The following SCML4 variants were observed in gnomAD, a reference collection of about 807,000 sequenced individuals.
The protein encoded by SCML4 is Scm polycomb group protein like 4, also known as sex comb on midleg-like protein 4.
In SCML4, 34 loss-of-function variants were observed where a neutral mutation model predicts 41.1. That is an observed-to-expected ratio of 0.83 (90% CI 0.63 to 1.10). The LOEUF is 1.10. Ranked by LOEUF, SCML4 falls within the 50% of genes least tolerant of loss-of-function variation. The pLI is 0.00. For synonymous variants in SCML4, 214 were observed against 220.9 expected (o/e 0.97, Z 0.28); for missense variants, 522 against 534.1 (o/e 0.98, Z 0.22).
rs542361487 is a variant in SCML4, at chr6:107,728,939, G to A, written c.683-7946C>T. Among the ~76,000 whole-genome samples, 21 of 152,264 alleles carry A rather than the reference G, an allele frequency of 1.4e-4. No individual in the cohort carries two copies. The South Asian group carries it at 1.9e-3, about 14-fold the overall frequency. On this transcript the variant is annotated intron_variant, in intron 5 of 7. Coordinates refer to ENST00000369020, the MANE Select transcript of SCML4 (RefSeq NM_198081.5). ...TGATGAAATGGATCTGTTCAAACCC[G>A]ATTGAAACTGCATTTTCCGCACTTT...
intron 5 of SCML4, among the ~76,000 whole-genome samples, chr6:107,737,192 C>G (rs189534749): frequency 7.8e-4 from 119 of 152,292 alleles, no homozygotes; most frequent in African/African-American, 2.7e-3. Context: ...ATGCAGAGTC[C>G]TGCAATATAA....
chr6:107,709,012 C>T (rs1027860657), intron 6 of SCML4, among the ~76,000 whole-genome samples: 4 of 152,154 alleles, frequency 2.6e-5, no homozygotes, highest in African/African-American at 9.7e-5. Flanking sequence ...GGGAGAATGC[C>T]TCTGATGCTG....
chr6:107,827,028 A>G (rs913833233), upstream of SCML4, among the ~76,000 whole-genome samples: 51 of 151,836 alleles, frequency 3.4e-4, no homozygotes, highest in Non-Finnish European at 6.8e-4. Context: ...ACGCCACTGC[A>G]CTACAGCCTG....
rs1282180419 is a variant in SCML4 at position 107,724,820 on chromosome 6, G to A, written c.683-3827C>T. On this transcript the variant is annotated intron_variant, in intron 5 of 7. Coordinates refer to ENST00000369020, the MANE Select transcript of SCML4 (RefSeq NM_198081.5). ...TTGCAAGGGACACAGAATAGCCAAAGCCATCATGAAAACCAAAAACAAAGT... is the reference window on the plus strand; with the variant it reads ...TTGCAAGGGACACAGAATAGCCAAAACCATCATGAAAACCAAAAACAAAGT... Among the ~76,000 whole-genome samples, 4 of 152,268 alleles carry A rather than the reference G, an allele frequency of 2.6e-5. No homozygotes were observed. The East Asian group carries it at 7.7e-4, about 29-fold the overall frequency.
the SCML4 span, among the ~76,000 whole-genome samples, chr6:107,845,440 C>T: frequency 6.6e-6 from 1 of 152,200 alleles, no homozygotes; most frequent in East Asian, 1.9e-4. Flanking sequence ...TTGTTTTCAC[C>T]TTGGCCTTAG....
At chr6:107,806,186 T>TCCC (rs35905486) in intron 1 of SCML4, among the ~76,000 whole-genome samples, 665 of 28,800 alleles carry the variant, frequency 0.023, 9 homozygotes, top group African/African-American at 0.029. Context: ...AACAGAGATT[T>TCCC]CCCCCCCCCC....
chr6:107,824,542 C>CCTAA (rs57597709), upstream of SCML4, among the ~76,000 whole-genome samples: 42,062 of 146,392 alleles, frequency 0.29, 8,945 homozygotes, highest in African/African-American at 0.6. Context: ...CTCTTAGCAG[C>CCTAA]CTAAGAGAAA....
chr6:107,729,928 T>C (rs1776373092), intron 5 of SCML4, among the ~76,000 whole-genome samples: 1 of 152,230 alleles, frequency 6.6e-6, no homozygotes, highest in Non-Finnish European at 1.5e-5. Flanking sequence ...AGTGAGGCCA[T>C]TGTGCTATGA....
intron 1 of SCML4, among the ~76,000 whole-genome samples, chr6:107,776,211 T>A (rs9486687): frequency 1.3e-5 from 2 of 152,098 alleles, no homozygotes; most frequent in Admixed American, 1.3e-4. Context: ...TAAAAAAGAT[T>A]GAAAATAAAG....
intron 6 of SCML4, among the ~76,000 whole-genome samples, chr6:107,708,316 T>C (rs1048635367): frequency 1.3e-5 from 2 of 152,026 alleles, no homozygotes; most frequent in African/African-American, 2.4e-5. Flanking sequence ...CCCACCCTCG[T>C]TGGAGTTTTC....
rs1233065638 is a variant in SCML4 at position 107,748,407 on chromosome 6, G to A, written c.286+1277C>T. The stretch of plus-strand genomic sequence containing the variant: ...AAGAAATAGGTTTTTTTGTTTTTTT[G>A]TTTTTTTGAGCACCTGCTATAGTCT... On this transcript the variant is annotated intron_variant, in intron 3 of 7. Transcript: ENST00000369020. 2.0e-5 allele frequency among the ~76,000 whole-genome samples: 3 copies of A among 151,732 alleles called. No individual in the cohort carries two copies. In the East Asian group the frequency reaches 5.8e-4, roughly 29 times the overall value.
chr6:107,720,031 C>T, intron 6 of SCML4: 1 of 985,456 alleles, frequency 1.0e-6, no homozygotes, highest in Non-Finnish European at 1.2e-6. Context: ...ACAGAAGTGG[C>T]ATTACAACCA....
rs186180507 is a variant in SCML4, at chr6:107,710,751, A to G, written c.974-2740T>C. 2.9e-4 allele frequency among the ~76,000 whole-genome samples: 18 copies of G among 63,096 alleles called. 8 individuals carry two copies. Among genetic ancestry groups the G allele is most frequent in the Middle Eastern group, 0.016 (2 of 128 alleles). 41.4% of individuals were successfully genotyped at this position (63,096 alleles called of 152,430 possible). On this transcript the variant is annotated intron_variant, in intron 6 of 7. Transcript: ENST00000369020. ...AGATCATGCCTCCCACTCACTCTATAAAACACCTCGTTGAGCTGTTGCAAG... is the reference window on the plus strand; with the variant it reads ...AGATCATGCCTCCCACTCACTCTATGAAACACCTCGTTGAGCTGTTGCAAG...
intron 1 of SCML4, among the ~76,000 whole-genome samples, chr6:107,822,495 CTTTT>C (rs1243814125): frequency 1.3e-5 from 1 of 77,806 alleles, no homozygotes; most frequent in Non-Finnish European, 2.2e-5. Context: ...TTACTCTTTT[CTTTT>C]TTTCTTTTCT....
chr6:107,761,495 G>A lies in SCML4; in HGVS notation c.156+10677C>T, dbSNP rs574182871. On this transcript the variant is annotated intron_variant, in intron 2 of 7. Transcript: ENST00000369020. ...TCTGTCACCCGTGCTGGAGTGCAAT[G>A]GCGCAATCTCGGCTTACTGCAACCA... 5.3e-5 allele frequency among the ~76,000 whole-genome samples: 8 copies of A among 151,216 alleles called. No individual in the cohort carries two copies. In the South Asian group the frequency reaches 1.7e-3, roughly 32 times the overall value.
intron 1 of SCML4, 113 bp from the exon 2 acceptor site, chr6:107,772,499 G>A (rs561000692): frequency 1.7e-6 from 1 of 575,702 alleles, no homozygotes; most frequent in Admixed American, 3.4e-5. Context: ...TTATTGGAGG[G>A]GAAGACCAAA....
At chr6:107,713,790 G>A (rs112875443) in intron 6 of SCML4, among the ~76,000 whole-genome samples, 1 of 152,116 alleles carries the variant, frequency 6.6e-6, no homozygotes, top group East Asian at 1.9e-4. Flanking sequence ...GGGAAGGGGA[G>A]GGAGATCTGT....
At chr6:107,734,211 T>G (rs924063194) in intron 5 of SCML4, among the ~76,000 whole-genome samples, 3 of 152,186 alleles carry the variant, frequency 2.0e-5, no homozygotes, top group Non-Finnish European at 4.4e-5. Flanking sequence ...CCAGCATCAT[T>G]CTACTCCTCA....
chr6:107,789,685 ATC>A (rs1344089954), intron 1 of SCML4, among the ~76,000 whole-genome samples: 1 of 152,196 alleles, frequency 6.6e-6, no homozygotes, highest in Non-Finnish European at 1.5e-5. Flanking sequence ...CACCAGATTC[ATC>A]TCTGAGTCGT....
Sources: allele counts gnomAD v4.1 joint callset (sites outside exome capture counted in the v4.1 genomes callset), GRCh38; gene constraint gnomAD v4.1.1; transcripts MANE v1.5; gene names NCBI Gene and HGNC (gene_info 2026-07-23, HGNC 2026-07-21).